Variants in TMEM258 observed in about 807,000 individuals in gnomAD.
The protein encoded by TMEM258 is transmembrane protein 258.
Under a neutral mutation model 9.9 loss-of-function variants are expected in TMEM258, and 11 were observed. The observed-to-expected ratio is 1.11, with a 90% CI of 0.70 to 1.85. TMEM258 has a LOEUF of 1.85. Among genes scored for constraint, TMEM258 ranks in the 40% most tolerant of loss-of-function variants. The probability of loss-of-function intolerance (pLI) is 0.00; values close to 1 mark genes in which losing one functional copy is unlikely to be tolerated. For synonymous variants in TMEM258, 40 were observed against 39.1 expected (o/e 1.02, Z -0.09); for missense variants, 81 against 99.7 (o/e 0.81, Z 0.80).
At chr11:61,789,326 T>C (rs940364858) in intron 3 of TMEM258, 91 bp from the exon 4 acceptor site, 1 of 155,382 alleles carries the variant, frequency 6.4e-6, no homozygotes, top group Non-Finnish European at 1.4e-5. Flanking sequence ...GCAAGGGCTA[T>C]TGAGCACACA....
intron 1 of TMEM258, 96 bp from the exon 2 acceptor site, chr11:61,790,698 ACAG>A: frequency 9.5e-7 from 1 of 1,057,666 alleles, no homozygotes; most frequent in Non-Finnish European, 1.4e-6. Flanking sequence ...CTGCCGTGAA[ACAG>A]AGGCTGATTT....
At chr11:61,791,030 C>A (rs1397479556) in intron 1 of TMEM258, among the ~76,000 whole-genome samples, 1 of 152,110 alleles carries the variant, frequency 6.6e-6, no homozygotes, top group Non-Finnish European at 1.5e-5. Context: ...CGGCTCACTG[C>A]AACCTCTGCC....
In TMEM258 at chr11:61,790,528, C is replaced by T. The variant is rs753173670; in HGVS notation, c.78G>A (p.Leu26=). ...AGGCGGTGAAGAACATGCCAATGGC[C>T]AAAAGCACCACGGTCAGATGGGGGA... ...AVFPHLTVVL[L]AIGMFFTAWF... Residue 26 remains leucine (L), a synonymous_variant, in exon 2 of 4, where the codon TTG becomes TTA. Transcript: ENST00000537328. The T allele has an allele frequency of 4.3e-6, 7 of 1,614,134 alleles. No individual in the cohort carries two copies. The highest frequency in any genetic ancestry group is 5.9e-6 in the Non-Finnish European group (7 of 1,180,006).
At chr11:61,789,703 G>A (rs1050119195) in intron 3 of TMEM258, 82 bp downstream of exon 3, 21 of 1,463,840 alleles carry the variant, frequency 1.4e-5, no homozygotes, top group Non-Finnish European at 1.9e-5. Context: ...AGAGCTTTAA[G>A]GACCCTGCTG....
At chr11:61,791,659 A>T (rs1315028236) in intron 1 of TMEM258, 1 of 152,220 alleles carries the variant, frequency 6.6e-6, no homozygotes, top group Non-Finnish European at 1.5e-5. Context: ...GAGTAATCTG[A>T]GTCTGAGTAA....
chr11:61,790,453 T>C (rs1440794230), intron 2 of TMEM258, 40 bp downstream of exon 2: 4 of 1,580,600 alleles, frequency 2.5e-6, no homozygotes, highest in Non-Finnish European at 2.6e-6. Context: ...GCTTCCCACA[T>C]CACTAATGCT....
At chr11:61,789,630 ATGTCTAG>A in intron 3 of TMEM258, 148 bp downstream of exon 3, 1 of 845,666 alleles carries the variant, frequency 1.2e-6, no homozygotes, top group Non-Finnish European at 1.7e-6. Context: ...AGAGGCACAA[ATGTCTAG>A]TGTCCCTACC....
At position 61,792,539 on chromosome 11, in the gene TMEM258, C is replaced by G. The variant is rs1296974828; in HGVS notation, c.3+17G>C. On this transcript the variant is annotated intron_variant, in intron 1 of 3. Coordinates refer to ENST00000537328, the MANE Select transcript of TMEM258 (RefSeq NM_014206.4). Reference sequence around the variant, plus strand: ...GGTCCTCGCATCTCCGTCTGGAACTCCCCTCAACGCTCTCACCATTTTGCC... The same window carrying G: ...GGTCCTCGCATCTCCGTCTGGAACTGCCCTCAACGCTCTCACCATTTTGCC... 1.9e-6 allele frequency: 3 copies of G among 1,613,860 alleles called. No homozygotes were observed. In the East Asian group the frequency reaches 6.7e-5, roughly 36 times the overall value.
intron 2 of TMEM258, chr11:61,790,156 G>C: frequency 1.7e-6 from 1 of 586,546 alleles, no homozygotes; most frequent in South Asian, 2.1e-5. Context: ...CAGCTCATGA[G>C]GGCCGGAGCT....
intron 1 of TMEM258, among the ~76,000 whole-genome samples, 176 bp from the exon 2 acceptor site, chr11:61,790,778 A>G (rs920797864): frequency 6.6e-6 from 1 of 152,182 alleles, no homozygotes; most frequent in Non-Finnish European, 1.5e-5. Context: ...TAATCTGACC[A>G]CTATGAAAAC....
At chr11:61,790,205 C>G in intron 2 of TMEM258, 1 of 567,180 alleles carries the variant, frequency 1.8e-6, no homozygotes. Context: ...TGAGTGCACC[C>G]TTCCTTATAC....
chr11:61,791,714 T>C (rs1055006648), intron 1 of TMEM258: 1 of 152,218 alleles, frequency 6.6e-6, no homozygotes, highest in Non-Finnish European at 1.5e-5. Flanking sequence ...ATAAGAAAGA[T>C]GATGAATCAA....
intron 1 of TMEM258, 108 bp downstream of exon 1, chr11:61,792,448 G>C: frequency 6.6e-7 from 1 of 1,511,952 alleles, no homozygotes; most frequent in Non-Finnish European, 9.2e-7. Context: ...GAGGTTCCAG[G>C]AGCGTCTAGC....
chr11:61,790,730 G>T, intron 1 of TMEM258, 128 bp from the exon 2 acceptor site: 1 of 701,436 alleles, frequency 1.4e-6, no homozygotes, highest in Non-Finnish European at 2.4e-6. Flanking sequence ...AAATGTAGCT[G>T]CAGATCAATG....
intron 1 of TMEM258, among the ~76,000 whole-genome samples, chr11:61,790,904 C>T (rs551356512): frequency 2.0e-5 from 3 of 152,158 alleles, no homozygotes; most frequent in Admixed American, 2.0e-4. Context: ...AGAACCCCCG[C>T]TATAAGTCAC....
intron 3 of TMEM258, 95 bp downstream of exon 3, chr11:61,789,690 G>C (rs1325518945): frequency 1.1e-5 from 15 of 1,406,052 alleles, no homozygotes; most frequent in Non-Finnish European, 1.2e-5. Context: ...GGTCATGCTG[G>C]TAAGAGCTTT....
In TMEM258 at chr11:61,789,920, A is replaced by AACTGGGCACAGCAGTTAAGGCAAAGCG. The variant is rs768721263; in HGVS notation, c.114-26_114dup (p.Val38_Tyr39insArgPheAlaLeuThrAlaValProSer). 3 of 1,612,864 alleles carry AACTGGGCACAGCAGTTAAGGCAAAGCG rather than the reference A, an allele frequency of 1.9e-6. No homozygotes were observed. Among genetic ancestry groups the AACTGGGCACAGCAGTTAAGGCAAAGCG allele is most frequent in the Non-Finnish European group, 2.5e-6 (3 of 1,179,350 alleles). ...GTGTACTTGGTAGAGGTGACCTCGTAACTGGGCACAGCAGTTAAGGCAAAG... is the reference window on the plus strand; with the variant it reads ...GTGTACTTGGTAGAGGTGACCTCGTAACTGGGCACAGCAGTTAAGGCAAAGCGACTGGGCACAGCAGTTAAGGCAAAG... On this transcript the variant is annotated inframe_insertion and splice_region_variant, in exon 3 of 4. Transcript: ENST00000537328.
Position 61,790,476 on chromosome 11 carries a change from G to C in TMEM258, c.113+17C>G, listed in dbSNP as rs1358337659. Reference sequence around the variant, plus strand: ...CATCACTAATGCTGGTCCTCTGGCTGCTCAGTGAAAGGATACACGAAGAAC... The same window carrying C: ...CATCACTAATGCTGGTCCTCTGGCTCCTCAGTGAAAGGATACACGAAGAAC... On this transcript the variant is annotated intron_variant, in intron 2 of 3. Transcript: ENST00000537328. 6.2e-7 allele frequency: 1 copy of C among 1,607,812 alleles called. No homozygotes were observed. The highest frequency in any genetic ancestry group is 2.2e-5 in the East Asian group (1 of 44,814).
In TMEM258 at chr11:61,790,718, G is replaced by A. The variant is rs998728418; in HGVS notation, c.4-116C>T. ...GTGAAACAGAGGCTGATTTTAGCCCGGAAATGTAGCTGCAGATCAATGGCC... is the reference window on the plus strand; with the variant it reads ...GTGAAACAGAGGCTGATTTTAGCCCAGAAATGTAGCTGCAGATCAATGGCC... On this transcript the variant is annotated intron_variant, in intron 1 of 3. Coordinates refer to ENST00000537328, the MANE Select transcript of TMEM258 (RefSeq NM_014206.4). 8 of 831,926 alleles carry A rather than the reference G, an allele frequency of 9.6e-6. No individual in the cohort carries two copies. In the East Asian group the frequency reaches 1.1e-4, roughly 11 times the overall value. The allele number at this position is 831,926 out of a possible 1,614,324, so 51.5% of individuals were successfully genotyped here.
Sources: gnomAD v4.1 joint callset for allele counts (sites outside exome capture counted in the v4.1 genomes callset) on GRCh38, gnomAD v4.1.1 for gene constraint, MANE v1.5 for transcripts, NCBI Gene and HGNC (gene_info 2026-07-23, HGNC 2026-07-21) for gene names.